Variants in SNAPC4 observed in about 807,000 individuals in gnomAD.
SNAPC4 encodes snRNA-activating protein complex subunit 4.
In SNAPC4, 127 loss-of-function variants were observed where a neutral mutation model predicts 151.3. That is an observed-to-expected ratio of 0.84 (90% CI 0.73 to 0.97). The LOEUF is 0.97. Ranked by LOEUF, SNAPC4 falls within the 50% of genes least tolerant of loss-of-function variation. The pLI, the probability that SNAPC4 is intolerant of heterozygous loss-of-function variation, is 0.00. For synonymous variants in SNAPC4, 1,002 were observed against 824.4 expected (o/e 1.22, Z -3.69); for missense variants, 2,186 against 1,935.0 (o/e 1.13, Z -2.43).
Position 136,395,680 on chromosome 9 carries a change from T to C in SNAPC4, c.268A>G (p.Asn90Asp). The change falls in exon 4 of 24, where the codon AAC becomes GAC. Residue 90 changes from asparagine (N) to aspartate (D), a missense_variant. Physicochemically the swap from Asn to Asp is conservative, Grantham distance 23. Transcript: ENST00000684778. ...TGGATGACCTCCTGGTAGACCATGT[T>C]CAGCTGCAGGCAGGTTTCTGGGTCT... ...PEDPETCLQL[N>D]MVYQEVIQEK... 1 of 1,613,432 alleles carries C rather than the reference T, an allele frequency of 6.2e-7. No individual in the cohort carries two copies. Among genetic ancestry groups the C allele is most frequent in the Non-Finnish European group, 8.5e-7 (1 of 1,179,988 alleles).
intron 3 of SNAPC4, 107 bp from the exon 4 acceptor site, chr9:136,395,877 T>G (rs1478421418): frequency 8.8e-7 from 1 of 1,138,872 alleles, no homozygotes; most frequent in East Asian, 2.4e-5. Context: ...GAGGCAGCTC[T>G]GGCATAGCAA....
chr9:136,379,139 C>T lies in SNAPC4; in HGVS notation c.2688G>A (p.Leu896=). ...CCTCCTGAAGCCGCTTCTCCTGAAG[C>T]AGCTCCGACACAGTCTTGGGCTTGG... The part of the protein sequence containing the change: ...PRPKPKTVSE[L]LQEKRLQEAR... The change falls in exon 22 of 24, where the codon CTG becomes CTA. Residue 896 remains leucine, a synonymous_variant. Coordinates refer to ENST00000684778, the MANE Select transcript of SNAPC4 (RefSeq NM_003086.4). 1.3e-6 allele frequency: 2 copies of T among 1,573,034 alleles called. No individual in the cohort carries two copies. Among genetic ancestry groups the T allele is most frequent in the East Asian group, 4.6e-5 (2 of 43,666 alleles).
rs765086204 is a variant in SNAPC4, at chr9:136,395,588, C to T, written c.345+15G>A. The T allele has an allele frequency of 1.0e-5, 16 of 1,604,414 alleles. No homozygotes were observed. The Middle Eastern group carries it at 8.7e-4, about 87-fold the overall frequency. On this transcript the variant is annotated intron_variant, in intron 4 of 23. Transcript: ENST00000684778. ...TGGGGAGGTGTGGGCACCGGGGGGCCGAGGCCCATCCCACCTGCTGCTCCC... is the reference window on the plus strand; with the variant it reads ...TGGGGAGGTGTGGGCACCGGGGGGCTGAGGCCCATCCCACCTGCTGCTCCC...
Position 136,397,573 on chromosome 9 carries a change from GTGGGGTGGGGAGCCTA to G in SNAPC4, c.131-566_131-551del, listed in dbSNP as rs1386141959. On this transcript the variant is annotated intron_variant, in intron 2 of 23. Transcript: ENST00000684778. ...GGGGAGCATGTTGGGAGGAGAGGCTGTGGGGTGGGGAGCCTATGGGGTGGGGAGCACATGGGGAGGG... is the reference window on the plus strand; with the variant it reads ...GGGGAGCATGTTGGGAGGAGAGGCTGTGGGGTGGGGAGCACATGGGGAGGG... 1.7e-4 allele frequency among the ~76,000 whole-genome samples: 23 copies of G among 131,988 alleles called. 1 individual carries two copies. The highest frequency in any genetic ancestry group is 6.1e-4 in the African/African-American group (21 of 34,302). The allele number at this position is 131,988 out of a possible 152,430, so 86.6% of individuals were successfully genotyped here. A position where few individuals can be genotyped will look rare whatever the true frequency, so the allele number is the denominator to read the frequency against.
intron 2 of SNAPC4, among the ~76,000 whole-genome samples, chr9:136,397,452 G>A (rs1330121828): frequency 1.4e-5 from 2 of 144,534 alleles, no homozygotes; most frequent in African/African-American, 5.1e-5. Context: ...GGAGAGGTGG[G>A]AAGCAAGGCT....
chr9:136,399,941 G>A (rs1330827156), intron 1 of SNAPC4, among the ~76,000 whole-genome samples, 193 bp downstream of exon 1: 1 of 152,110 alleles, frequency 6.6e-6, no homozygotes, highest in Non-Finnish European at 1.5e-5. Flanking sequence ...GGGCTCCCAG[G>A]GCCAGAATCC....
Position 136,394,843 on chromosome 9 carries a change from A to T in SNAPC4, c.507T>A (p.Ala169=), listed in dbSNP as rs1243298991. 1.2e-6 allele frequency: 2 copies of T among 1,613,928 alleles called. No individual in the cohort carries two copies. Among genetic ancestry groups the T allele is most frequent in the East Asian group, 4.5e-5 (2 of 44,884 alleles). The change falls in exon 6 of 24, where the codon GCT becomes GCA. Residue 169 remains alanine, a synonymous_variant. Coordinates refer to ENST00000684778, the MANE Select transcript of SNAPC4 (RefSeq NM_003086.4). ...CCTCGAAAGCCTTGATCCCCTGGGC[A>T]GCCTTCTCTCGTGTGTCCTCGTTGG... ...PPANEDTREK[A]AQGIKAFEEL...
intron 5 of SNAPC4, 124 bp downstream of exon 5, chr9:136,395,174 G>A (rs1834220259): frequency 3.2e-6 from 4 of 1,255,460 alleles, no homozygotes; most frequent in South Asian, 2.9e-5. Flanking sequence ...GCAGTTTGAA[G>A]GAGGTTGGCC....
chr9:136,391,109 CA>C (rs1238636644), intron 10 of SNAPC4, among the ~76,000 whole-genome samples: 1 of 152,206 alleles, frequency 6.6e-6, no homozygotes, highest in African/African-American at 2.4e-5. Context: ...GCTGGGATTA[CA>C]GGGGTGAGCC....
chr9:136,393,180 G>C (rs765873205), intron 7 of SNAPC4, among the ~76,000 whole-genome samples: 6 of 152,210 alleles, frequency 3.9e-5, no homozygotes, highest in Non-Finnish European at 5.9e-5. Flanking sequence ...GCAGGCCAGG[G>C]AGGAAAACCC....
intron 1 of SNAPC4, among the ~76,000 whole-genome samples, chr9:136,399,423 G>A (rs1834379269): frequency 6.6e-6 from 1 of 152,234 alleles, no homozygotes; most frequent in Admixed American, 6.5e-5. Flanking sequence ...GGCAGCGACC[G>A]CAGGCTGGTT....
At chr9:136,395,968 AG>A (rs2131516342) in intron 3 of SNAPC4, among the ~76,000 whole-genome samples, 198 bp from the exon 4 acceptor site, 1 of 152,318 alleles carries the variant, frequency 6.6e-6, no homozygotes, top group African/African-American at 2.4e-5. Flanking sequence ...GTCACTCTCA[AG>A]GCGGCCTGTG....
rs748146642 is a variant in SNAPC4 at position 136,392,139 on chromosome 9, C to T, written c.811-33G>A. On this transcript the variant is annotated intron_variant, in intron 9 of 23. Coordinates refer to ENST00000684778, the MANE Select transcript of SNAPC4 (RefSeq NM_003086.4). Reference sequence around the variant, plus strand: ...GACAGAGACACTCAGCCTTGCAGGCCACTGACCCCAGGGGCACCCTAGACG... The same window carrying T: ...GACAGAGACACTCAGCCTTGCAGGCTACTGACCCCAGGGGCACCCTAGACG... 4.4e-6 allele frequency: 7 copies of T among 1,608,658 alleles called. No individual in the cohort carries two copies. In the African/African-American group the frequency reaches 9.3e-5, roughly 21 times the overall value.
intron 1 of SNAPC4, among the ~76,000 whole-genome samples, chr9:136,399,722 G>A (rs1328687569): frequency 1.3e-5 from 2 of 152,318 alleles, no homozygotes; most frequent in South Asian, 4.1e-4. Flanking sequence ...GATGCGCCAG[G>A]ACGATGGGCG....
chr9:136,396,316 G>A (rs972991618), intron 3 of SNAPC4, among the ~76,000 whole-genome samples: 1 of 152,268 alleles, frequency 6.6e-6, no homozygotes, highest in African/African-American at 2.4e-5. Context: ...GCAGAAAAAG[G>A]AAGCAGCAAA....
At position 136,380,782 on chromosome 9, in the gene SNAPC4, C is replaced by A. The variant is rs1833659512; in HGVS notation, c.2457G>T (p.Leu819=). The A allele has an allele frequency of 6.2e-7, 1 of 1,611,882 alleles. No individual in the cohort carries two copies. The highest frequency in any genetic ancestry group is 8.5e-7 in the Non-Finnish European group (1 of 1,179,124). The part of the protein sequence containing the change: ...VRERKALPPR[L]PQAGARDPPV... ...GTGGGTCCCGAGCACCAGCCTGGGG[C>A]AGCCTGGGTGGCAGGGCCTTCCTCT... Residue 819 remains leucine, a synonymous_variant, in exon 20 of 24, where the codon CTG becomes CTT. Transcript: ENST00000684778.
rs755459329 is a variant in SNAPC4, at chr9:136,378,213, C to T, written c.3614G>A (p.Arg1205Lys). ...GATGACACCACCGAAGGCTGGCAGC[C>T]TCCCGGACCAAGGGGGTTCTGCTTC... ...PPEAEPPWSG[R>K]LPAFGGVIPA... Residue 1205 changes from arginine (R) to lysine (K), a missense_variant, in exon 22 of 24, where the codon AGG (arginine) becomes AAG (lysine). Physicochemically the swap from Arg to Lys is conservative, Grantham distance 26 (BLOSUM62 2). Coordinates refer to ENST00000684778, the MANE Select transcript of SNAPC4 (RefSeq NM_003086.4). 6.2e-7 allele frequency: 1 copy of T among 1,612,038 alleles called. No individual in the cohort carries two copies. The highest frequency in any genetic ancestry group is 1.1e-5 in the South Asian group (1 of 90,898).
chr9:136,397,354 T>C (rs1834308300), intron 2 of SNAPC4, among the ~76,000 whole-genome samples: 1 of 151,754 alleles, frequency 6.6e-6, no homozygotes, highest in Non-Finnish European at 1.5e-5. Flanking sequence ...CTTCAGGAGC[T>C]TAGCCGGTCA....
At chr9:136,387,891 A>ACACC (rs1554780671) in intron 11 of SNAPC4, 43 bp from the exon 12 acceptor site, 5 of 1,099,102 alleles carry the variant, frequency 4.5e-6, no homozygotes, top group Non-Finnish European at 5.6e-6. Context: ...GCCGAGACAC[A>ACACC]CACCCTCCAT....
Sources: gnomAD v4.1 joint callset for allele counts (sites outside exome capture counted in the v4.1 genomes callset) on GRCh38, gnomAD v4.1.1 for gene constraint, MANE v1.5 for transcripts, NCBI Gene and HGNC (gene_info 2026-07-23, HGNC 2026-07-21) for gene names.